The following SMTNL2 variants were observed in gnomAD, a reference collection of about 807,000 sequenced individuals.
The protein encoded by SMTNL2 is smoothelin-like protein 2.
In SMTNL2, 43 loss-of-function variants were observed where a neutral mutation model predicts 44.1. The ratio of observed to expected loss-of-function variants is 0.98; its 90% CI spans 0.76 to 1.26. The LOEUF is 1.26. SMTNL2 is among the 50% of genes most tolerant of loss of function. The pLI is 0.00. For missense variants in SMTNL2, 646 were observed against 670.2 expected, an observed-to-expected ratio of 0.96 and a Z score of 0.40; for synonymous variants, 317 against 287.6, an observed-to-expected ratio of 1.10 and a Z score of -1.03.
intron 7 of SMTNL2, among the ~76,000 whole-genome samples, chr17:4,599,368 A>C (rs1361806855): frequency 6.6e-6 from 1 of 152,128 alleles, no homozygotes; most frequent in African/African-American, 2.4e-5. Context: ...CGGGCAGCTC[A>C]TGAGGATGGG....
rs1236004256 is a variant in SMTNL2, at chr17:4,593,966, C to A, written c.806+69C>A. On this transcript the variant is annotated intron_variant, in intron 4 of 7. Transcript: ENST00000389313. The stretch of plus-strand genomic sequence containing the variant: ...TGTCTTCTCTGCTTTGGACGCAGGC[C>A]GCCCAGGGTTGGCCCTGGGGTTGGT... 2.5e-6 allele frequency: 4 copies of A among 1,569,120 alleles called. No homozygotes were observed. The African/African-American group carries it at 5.4e-5, about 21-fold the overall frequency.
In SMTNL2 at chr17:4,592,979, C is replaced by A. The variant is rs369073599; in HGVS notation, c.538C>A (p.Pro180Thr). Residue 180 changes from proline (P) to threonine (T), a missense_variant, in exon 3 of 8, where the codon CCC (proline) becomes ACC (threonine). Coordinates refer to ENST00000389313, the MANE Select transcript of SMTNL2 (RefSeq NM_001114974.2). This position sits in a 1 kb window ranked among gnomAD's most constrained non-coding sequence, Gnocchi z 4.5. The stretch of plus-strand genomic sequence containing the variant: ...TGCCCAAAACTTCTCAGCACCAGAT[C>A]CCCCCAGGCCTCGTCCTGTGAGCCT... ...EIAQNFSAPD[P>T]PRPRPVSLSL... 1.2e-5 allele frequency: 20 copies of A among 1,613,800 alleles called. No individual in the cohort carries two copies. The highest frequency in any genetic ancestry group is 1.6e-5 in the Non-Finnish European group (19 of 1,179,910).
intron 4 of SMTNL2, 85 bp downstream of exon 4, chr17:4,593,982 T>A: frequency 1.4e-6 from 2 of 1,438,708 alleles, no homozygotes; most frequent in Non-Finnish European, 1.9e-6. Flanking sequence ...GGGTTGGCCC[T>A]GGGGTTGGTG....
At chr17:4,594,218 G>A (rs1216581134) in intron 4 of SMTNL2, among the ~76,000 whole-genome samples, 1 of 152,186 alleles carries the variant, frequency 6.6e-6, no homozygotes, top group Non-Finnish European at 1.5e-5. Context: ...GGAGGTTGAG[G>A]TGGGTGGATC....
intron 7 of SMTNL2, among the ~76,000 whole-genome samples, chr17:4,599,179 G>T (rs529770424): frequency 6.6e-6 from 1 of 152,196 alleles, no homozygotes; most frequent in Admixed American, 6.5e-5. Flanking sequence ...TGGATGACGC[G>T]CTTGGACTCA....
rs538790340 is a variant in SMTNL2, at chr17:4,585,266, C to T, written c.399+262C>T. Among the ~76,000 whole-genome samples, 49 of 152,348 alleles carry T rather than the reference C, an allele frequency of 3.2e-4. No homozygotes were observed. The South Asian group carries it at 7.7e-3, about 24-fold the overall frequency. On this transcript the variant is annotated intron_variant, in intron 1 of 7. Coordinates refer to ENST00000389313, the MANE Select transcript of SMTNL2 (RefSeq NM_001114974.2). Reference sequence around the variant, plus strand: ...CTCTGTTTGCTCAGAGTCCTGTCTCCCTCTCTCCTCTGTCCCATGACATCA... The same window carrying T: ...CTCTGTTTGCTCAGAGTCCTGTCTCTCTCTCTCCTCTGTCCCATGACATCA...
At chr17:4,593,267 A>G in intron 3 of SMTNL2, 96 bp downstream of exon 3, 4 of 1,468,004 alleles carry the variant, frequency 2.7e-6, no homozygotes, top group Non-Finnish European at 3.6e-6. Flanking sequence ...GGTGACATGG[A>G]AAACGAGGGG....
intron 7 of SMTNL2, among the ~76,000 whole-genome samples, chr17:4,602,311 CTTTTTTTT>C (rs35927212): frequency 6.9e-5 from 3 of 43,760 alleles, no homozygotes; most frequent in East Asian, 9.6e-4. Context: ...AAGGCAGGTG[CTTTTTTTT>C]TTTTTTTTTT....
chr17:4,604,547 T>C (rs904393250), intron 7 of SMTNL2, among the ~76,000 whole-genome samples: 1 of 151,570 alleles, frequency 6.6e-6, no homozygotes, highest in African/African-American at 2.4e-5. Flanking sequence ...GTCAGAGGAG[T>C]CTTGCTCGCT....
At position 4,600,838 on chromosome 17, in the gene SMTNL2, G is replaced by A. The variant is rs1051853228; in HGVS notation, c.1259+3515G>A. Among the ~76,000 whole-genome samples the A allele has an allele frequency of 2.0e-5, 3 of 152,204 alleles. No individual in the cohort carries two copies. The highest frequency in any genetic ancestry group is 2.9e-5 in the Non-Finnish European group (2 of 68,042). On this transcript the variant is annotated intron_variant, in intron 7 of 7. Coordinates refer to ENST00000389313, the MANE Select transcript of SMTNL2 (RefSeq NM_001114974.2). This position sits in a 1 kb window ranked among gnomAD's most constrained non-coding sequence, Gnocchi z 4.7. ...TGCGGGGAATGTGTCCTGCTCTCGG[G>A]TTACGCTGGAGCAGAAGGGCCTTCC...
intron 7 of SMTNL2, among the ~76,000 whole-genome samples, chr17:4,606,802 C>T (rs886664512): frequency 2.0e-5 from 3 of 151,968 alleles, no homozygotes; most frequent in Admixed American, 6.5e-5. Context: ...CCCAGCTACT[C>T]GGGAGGCTGA....
chr17:4,593,797 AC>A, intron 3 of SMTNL2, 24 bp from the exon 4 acceptor site: 1 of 1,610,854 alleles, frequency 6.2e-7, no homozygotes, highest in Non-Finnish European at 8.5e-7. Context: ...AGGGTTTGTT[AC>A]TTCTCTCCCT....
In SMTNL2 at chr17:4,595,991, G is replaced by T. The variant is rs1484438150; in HGVS notation, c.989+664G>T. ...CTGCTGTGTGCAGGGTGTGGCCCAC[G>T]CGTGGTATTGATGCCTGCTGTGTGC... On this transcript the variant is annotated intron_variant, in intron 5 of 7. Transcript: ENST00000389313. This position sits in a 1 kb window ranked among gnomAD's most constrained non-coding sequence, Gnocchi z 5.1. 3.8e-5 allele frequency among the ~76,000 whole-genome samples: 5 copies of T among 131,240 alleles called. No homozygotes were observed. Among genetic ancestry groups the T allele is most frequent in the African/African-American group, 1.4e-4 (5 of 36,904 alleles). 86.1% of individuals were successfully genotyped at this position (131,240 alleles called of 152,430 possible).
At chr17:4,589,263 T>C (rs58492656) in intron 1 of SMTNL2, among the ~76,000 whole-genome samples, 21,522 of 152,056 alleles carry the variant, frequency 0.14, 1,592 homozygotes, top group South Asian at 0.18. Flanking sequence ...TAGAGAAACA[T>C]ATTTCCTGGG....
Position 4,584,727 on chromosome 17 carries a change from G to C in SMTNL2, c.122G>C (p.Gly41Ala). The C allele has an allele frequency of 7.7e-7, 1 of 1,305,532 alleles. No homozygotes were observed. Among genetic ancestry groups the C allele is most frequent in the Non-Finnish European group, 9.7e-7 (1 of 1,030,956 alleles). The allele number at this position is 1,305,532 out of a possible 1,614,324, so 80.9% of individuals were successfully genotyped here. A position where few individuals can be genotyped will look rare whatever the true frequency, so the allele number is the denominator to read the frequency against. ...LHEDMRGLQR[G>A]VERRVAEAMR... ...GAGGACATGCGGGGGCTGCAGCGCG[G>C]CGTGGAGCGGCGAGTGGCAGAGGCG... Residue 41 changes from glycine (G) to alanine (A), a missense_variant, in exon 1 of 8, where the codon GGC becomes GCC. By Grantham distance (60) the Gly-to-Ala change is moderately conservative (BLOSUM62 0). Coordinates refer to ENST00000389313, the MANE Select transcript of SMTNL2 (RefSeq NM_001114974.2).
intron 7 of SMTNL2, among the ~76,000 whole-genome samples, chr17:4,606,053 A>G (rs1910262086): frequency 6.6e-6 from 1 of 152,114 alleles, no homozygotes; most frequent in Non-Finnish European, 1.5e-5. Flanking sequence ...AAGTGAAACC[A>G]GTATTTCCCA....
chr17:4,596,803 G>A lies in SMTNL2; in HGVS notation c.990-57G>A, dbSNP rs568850709. On this transcript the variant is annotated intron_variant, in intron 5 of 7. Transcript: ENST00000389313. ...GGACAGCCTCCCCTGCCCCAGACCC[G>A]CACTGGGAGATGGCAGCTGGAGGGG... 3,016 of 1,380,430 alleles carry A rather than the reference G, an allele frequency of 2.2e-3. 8 individuals are homozygous for A. The highest frequency in any genetic ancestry group is 2.6e-3 in the Non-Finnish European group (2,755 of 1,055,742). 85.5% of individuals were successfully genotyped at this position (1,380,430 alleles called of 1,614,324 possible).
chr17:4,607,231 C>A lies in SMTNL2; in HGVS notation c.1260-130C>A. The stretch of plus-strand genomic sequence containing the variant: ...CTGCCAGGGTTATCTGAATTCCCCG[C>A]TGGTGGGTCCTTGGGAACCTCTGGC... On this transcript the variant is annotated intron_variant, in intron 7 of 7. Coordinates refer to ENST00000389313, the MANE Select transcript of SMTNL2 (RefSeq NM_001114974.2). The surrounding 1 kb of genome is among the most constrained non-coding windows in gnomAD (Gnocchi z 4.7). 2.1e-6 allele frequency: 3 copies of A among 1,426,344 alleles called. No individual in the cohort carries two copies. The highest frequency in any genetic ancestry group is 2.9e-6 in the Non-Finnish European group (3 of 1,048,128). 88.4% of individuals were successfully genotyped at this position (1,426,344 alleles called of 1,614,324 possible). A position where few individuals can be genotyped will look rare whatever the true frequency, so the allele number is the denominator to read the frequency against.
chr17:4,597,407 G>A, intron 7 of SMTNL2, 84 bp downstream of exon 7: 3 of 1,558,182 alleles, frequency 1.9e-6, no homozygotes, highest in South Asian at 1.2e-5. Context: ...ATGGGGGCGA[G>A]TGGGATGTCG....
Sources: gnomAD v4.1 joint callset for allele counts (sites outside exome capture counted in the v4.1 genomes callset) on GRCh38, gnomAD v4.1.1 for gene constraint, Gnocchi (gnomAD v3.1) non-coding constraint, MANE v1.5 for transcripts, NCBI Gene and HGNC (gene_info 2026-07-23, HGNC 2026-07-21) for gene names.